The following TALDO1 variants were observed in gnomAD, a reference collection of about 807,000 sequenced individuals.
TALDO1 encodes the protein transaldolase 1, also known as transaldolase.
A neutral mutation model predicts 38.1 loss-of-function variants in TALDO1; 29 were observed. The ratio of observed to expected loss-of-function variants is 0.76; its 90% CI spans 0.57 to 1.04. The LOEUF is 1.04. TALDO1 is among the 50% of genes least tolerant of loss of function. The pLI, the probability that TALDO1 is intolerant of heterozygous loss-of-function variation, is 0.00. For missense variants in TALDO1, 499 were observed against 438.1 expected (o/e 1.14, Z -1.24); for synonymous variants, 207 against 176.8 (o/e 1.17, Z -1.36).
intron 6 of TALDO1, 154 bp downstream of exon 6, chr11:764,098 T>TAACA (rs1863007698): frequency 1.5e-6 from 2 of 1,345,288 alleles, no homozygotes; most frequent in Non-Finnish European, 2.1e-6. Flanking sequence ...TTGGCTTTCC[T>TAACA]AACACATCTC....
intron 1 of TALDO1, among the ~76,000 whole-genome samples, chr11:751,133 G>T (rs60235164): frequency 0.018 from 2,698 of 152,082 alleles, 74 homozygotes; most frequent in African/African-American, 0.062. Flanking sequence ...GTGCAACACG[G>T]CTAACTGCAG....
intron 1 of TALDO1, among the ~76,000 whole-genome samples, chr11:755,491 C>A (rs1432189585): frequency 6.6e-6 from 1 of 152,116 alleles, no homozygotes; most frequent in Non-Finnish European, 1.5e-5. Flanking sequence ...TGATAATGAC[C>A]CAGTCCATAA....
chr11:759,264 AT>A (rs1564992591), intron 3 of TALDO1, among the ~76,000 whole-genome samples: 1 of 151,802 alleles, frequency 6.6e-6, no homozygotes, highest in East Asian at 1.9e-4. Context: ...TTTTATTTTT[AT>A]TTTTATTTAT....
At chr11:753,566 C>CA (rs527938759) in intron 1 of TALDO1, among the ~76,000 whole-genome samples, 65 of 150,790 alleles carry the variant, frequency 4.3e-4, no homozygotes, top group Non-Finnish European at 8.3e-4. Flanking sequence ...AAAAAAAACA[C>CA]AAAAAACCAT....
intron 1 of TALDO1, among the ~76,000 whole-genome samples, chr11:755,080 G>C (rs1018682789): frequency 6.7e-6 from 1 of 149,800 alleles, no homozygotes; most frequent in Non-Finnish European, 1.5e-5. Context: ...AACTAGGCTT[G>C]CAGGTAATAA....
chr11:751,701 G>A (rs780663168), intron 1 of TALDO1, among the ~76,000 whole-genome samples: 14 of 152,228 alleles, frequency 9.2e-5, no homozygotes, highest in South Asian at 2.1e-4. Flanking sequence ...AGGCTGAGGC[G>A]AGATAATTGC....
At chr11:749,231 C>T (rs1387801587) in intron 1 of TALDO1, among the ~76,000 whole-genome samples, 1 of 151,812 alleles carries the variant, frequency 6.6e-6, no homozygotes, top group Non-Finnish European at 1.5e-5. Flanking sequence ...GGTGAAACCC[C>T]GTCTCTACTA....
At chr11:751,063 G>T (rs1260750556) in intron 1 of TALDO1, among the ~76,000 whole-genome samples, 1 of 151,706 alleles carries the variant, frequency 6.6e-6, no homozygotes, top group Non-Finnish European at 1.5e-5. Context: ...TGTTTTTGGG[G>T]TTTTTTTTGA....
chr11:761,594 A>G (rs1222830790), intron 4 of TALDO1, among the ~76,000 whole-genome samples: 4 of 152,232 alleles, frequency 2.6e-5, no homozygotes, highest in Non-Finnish European at 5.9e-5. Context: ...CTCACCCAGA[A>G]GCAGCCAATG....
rs1228356133 is a variant in TALDO1 at position 748,649 on chromosome 11, T to C, written c.97+1071T>C. ...CCTCTTTGGTAACTGAGTAAGGGCA[T>C]TGTTTATCTAGCAGAGCCTAGAGAG... is the stretch of plus-strand genomic sequence containing the variant. On this transcript the variant is annotated intron_variant, in intron 1 of 7. Transcript: ENST00000319006. 3.9e-5 allele frequency among the ~76,000 whole-genome samples: 6 copies of C among 152,198 alleles called. No individual in the cohort carries two copies. In the East Asian group the frequency reaches 5.8e-4, roughly 15 times the overall value.
chr11:756,161 C>G, intron 2 of TALDO1, 159 bp downstream of exon 2: 1 of 1,069,466 alleles, frequency 9.4e-7, no homozygotes, highest in Non-Finnish European at 1.3e-6. Context: ...GAAGTGTAAT[C>G]TGCATGAAGT....
Position 763,830 on chromosome 11 carries a change from A to ACGGG in TALDO1, c.724_727dup (p.Glu243GlyfsTer10), listed in dbSNP as rs1462981798. The ACGGG allele has an allele frequency of 1.2e-6, 2 of 1,613,914 alleles. No homozygotes were observed. The highest frequency in any genetic ancestry group is 1.7e-6 in the Non-Finnish European group (2 of 1,180,012). On this transcript the variant is annotated frameshift_variant, in exon 6 of 8. Transcript: ENST00000319006. LOFTEE classifies it high-confidence loss of function. Reference sequence around the variant, plus strand: ...TGTCATGGGCGCCTCCTTCCGCAACACGGGCGAGATCAAAGCACTGGCCGG... The same window carrying ACGGG: ...TGTCATGGGCGCCTCCTTCCGCAACACGGGCGGGCGAGATCAAAGCACTGGCCGG...
intron 6 of TALDO1, 168 bp from the exon 7 acceptor site, chr11:764,120 C>A: frequency 7.2e-7 from 1 of 1,394,956 alleles, no homozygotes; most frequent in Non-Finnish European, 9.9e-7. Context: ...CTCAAGTCAT[C>A]AGCCAAGGCT....
At chr11:763,090 T>C (rs1489746250) in intron 4 of TALDO1, among the ~76,000 whole-genome samples, 1 of 150,734 alleles carries the variant, frequency 6.6e-6, no homozygotes. Context: ...GATTTGTTCT[T>C]AACAATGGCA....
chr11:750,358 G>A (rs570272476), intron 1 of TALDO1, among the ~76,000 whole-genome samples: 1 of 152,146 alleles, frequency 6.6e-6, no homozygotes, highest in African/African-American at 2.4e-5. Flanking sequence ...GCGTATTGGT[G>A]CACACCGTAG....
In TALDO1 at chr11:763,335, G is replaced by A. The variant is rs766646742; in HGVS notation, c.462-9G>A. ...ACCTGCCCCGCCCTCACCTGTCCCC[G>A]CCCCGCAGGGAGCTCGAGGAGCAGC... On this transcript the variant is annotated splice_polypyrimidine_tract_variant and intron_variant, in intron 4 of 7. Transcript: ENST00000319006. 62 of 1,480,184 alleles carry A rather than the reference G, an allele frequency of 4.2e-5. No individual in the cohort carries two copies. Among genetic ancestry groups the A allele is most frequent in the South Asian group, 7.9e-5 (7 of 88,726 alleles). 91.7% of individuals were successfully genotyped at this position (1,480,184 alleles called of 1,614,324 possible).
chr11:764,764 T>C, intron 7 of TALDO1, 49 bp from the exon 8 acceptor site: 1 of 1,613,920 alleles, frequency 6.2e-7, no homozygotes, highest in Non-Finnish European at 8.5e-7. Flanking sequence ...GGCTTCAAGG[T>C]GCAGAAGGTA....
chr11:763,310 ACCTGCCCCGCCCT>A, intron 4 of TALDO1, 21 bp from the exon 5 acceptor site: 42 of 653,714 alleles, frequency 6.4e-5, no homozygotes, highest in East Asian at 1.4e-4. Context: ...CCCCGCCCTC[ACCTGCCCCGCCCT>A]CACCTGTCCC....
At chr11:758,022 G>A (rs1043982117) in intron 2 of TALDO1, among the ~76,000 whole-genome samples, 7 of 152,346 alleles carry the variant, frequency 4.6e-5, no homozygotes, top group Admixed American at 6.5e-5. Context: ...GGTGGCTCAC[G>A]CCTGTAATCC....
Sources: gnomAD v4.1 joint callset for allele counts (sites outside exome capture counted in the v4.1 genomes callset) on GRCh38, gnomAD v4.1.1 for gene constraint, MANE v1.5 for transcripts, NCBI Gene and HGNC (gene_info 2026-07-23, HGNC 2026-07-21) for gene names.